The following PCBP3 variants were observed in gnomAD, a reference collection of about 807,000 sequenced individuals.
The protein encoded by PCBP3 is poly(rC)-binding protein 3.
Under a neutral mutation model 52.7 loss-of-function variants are expected in PCBP3, and 25 were observed. The observed-to-expected ratio is 0.47, with a 90% confidence interval of 0.35 to 0.66. The LOEUF (loss-of-function observed/expected upper bound fraction) is 0.66, where lower values mean the gene tolerates loss of function less well. PCBP3 is among the 30% of genes least tolerant of loss of function. The pLI is 0.01. For synonymous variants in PCBP3, 162 were observed against 183.0 expected, an observed-to-expected ratio of 0.89 and a Z score of 0.93; for missense variants, 391 against 490.3, an observed-to-expected ratio of 0.80 and a Z score of 1.91.
intron 4 of PCBP3, among the ~76,000 whole-genome samples, chr21:45,772,364 T>C (rs1453840604): frequency 6.6e-6 from 1 of 152,198 alleles, no homozygotes; most frequent in Non-Finnish European, 1.5e-5. Context: ...TGACTTTGAG[T>C]TCCATCCTTG....
chr21:45,685,957 C>T (rs201575887), intron 2 of PCBP3, among the ~76,000 whole-genome samples: 11 of 139,004 alleles, frequency 7.9e-5, no homozygotes, highest in East Asian at 2.1e-4. Context: ...CTTACTCTGT[C>T]GCTCAGGCTG....
chr21:45,903,385 A>G (rs2096116925), intron 9 of PCBP3, among the ~76,000 whole-genome samples: 1 of 152,168 alleles, frequency 6.6e-6, no homozygotes, highest in South Asian at 2.1e-4. Context: ...GGACGCTAGC[A>G]AAGTCACAGG....
chr21:45,694,620 G>T (rs2082663988), intron 2 of PCBP3, among the ~76,000 whole-genome samples: 1 of 152,152 alleles, frequency 6.6e-6, no homozygotes, highest in African/African-American at 2.4e-5. Flanking sequence ...AATCATAGTT[G>T]AAAACTTTAC....
intron 3 of PCBP3, among the ~76,000 whole-genome samples, chr21:45,754,467 G>C (rs534292096): frequency 1.3e-5 from 2 of 152,250 alleles, no homozygotes; most frequent in East Asian, 3.9e-4. Context: ...AAATCTGCTG[G>C]TGTGTCTATT....
At chr21:45,727,849 G>A (rs1217026678) in intron 2 of PCBP3, among the ~76,000 whole-genome samples, 2 of 152,174 alleles carry the variant, frequency 1.3e-5, no homozygotes, top group African/African-American at 4.8e-5. Flanking sequence ...GGATGTCAAA[G>A]CATCAGACAC....
chr21:45,716,537 A>G (rs548379509), intron 2 of PCBP3, among the ~76,000 whole-genome samples: 1 of 152,220 alleles, frequency 6.6e-6, no homozygotes, highest in South Asian at 2.1e-4. Context: ...CTGTGTCTTC[A>G]CTGTTCTTTT....
intron 5 of PCBP3, among the ~76,000 whole-genome samples, chr21:45,866,507 G>T (rs2094730073): frequency 6.6e-6 from 1 of 152,230 alleles, no homozygotes; most frequent in African/African-American, 2.4e-5. Flanking sequence ...CAAGACAGAG[G>T]CTGGGTGGGA....
intron 9 of PCBP3, among the ~76,000 whole-genome samples, chr21:45,908,680 C>T (rs992480278): frequency 5.9e-5 from 9 of 152,182 alleles, no homozygotes; most frequent in African/African-American, 1.2e-4. Flanking sequence ...CGCTCTGCAG[C>T]GAGCTCCGGG....
At chr21:45,839,307 T>C (rs73380641) in intron 4 of PCBP3, among the ~76,000 whole-genome samples, 3,583 of 152,326 alleles carry the variant, frequency 0.024, 155 homozygotes, top group African/African-American at 0.08. Context: ...ATTAGTGTAT[T>C]AACTTTATTT....
At chr21:45,876,092 C>A (rs1023266848) in intron 5 of PCBP3, among the ~76,000 whole-genome samples, 2 of 152,168 alleles carry the variant, frequency 1.3e-5, no homozygotes, top group African/African-American at 4.8e-5. Context: ...CTAGAGGGCC[C>A]GTGGAGCCTG....
intron 1 of PCBP3, among the ~76,000 whole-genome samples, chr21:45,646,083 T>TCTCTCTCTCTC (rs1206207801): frequency 1.4e-4 from 14 of 99,596 alleles, no homozygotes; most frequent in Non-Finnish European, 1.8e-4. Flanking sequence ...CTCTCTCTCT[T>TCTCTCTCTCTC]TCTCTCTCTC....
rs2085931624 is a variant in PCBP3 at position 45,737,105 on chromosome 21, CAGG to C, written c.-162+1680_-162+1682del. ...ATGGGGCAGTGAGGAGGCTGCGGGG[CAGG>C]AGGTGAGAGTGCCGCGGGTTAGGAG... On this transcript the variant is annotated intron_variant, in intron 3 of 17. Transcript: ENST00000681687. This position sits in a 1 kb window ranked among gnomAD's most constrained non-coding sequence, Gnocchi z 4.9. 2.0e-5 allele frequency among the ~76,000 whole-genome samples: 3 copies of C among 151,960 alleles called. No individual in the cohort carries two copies. Among genetic ancestry groups the C allele is most frequent in the South Asian group, 4.2e-4 (2 of 4,808 alleles).
rs1247789434 is a variant in PCBP3, at chr21:45,910,482, A to G, written c.472-420A>G. 5.9e-5 allele frequency among the ~76,000 whole-genome samples: 9 copies of G among 152,170 alleles called. No individual in the cohort carries two copies. The East Asian group carries it at 1.8e-3, about 30-fold the overall frequency. ...CACATCCACACGTTTGTCCCATTTC[A>G]AGGAAAGCCTGAATCCTTGCCCTAT... On this transcript the variant is annotated intron_variant, in intron 10 of 17. Coordinates refer to ENST00000681687, the MANE Select transcript of PCBP3 (RefSeq NM_001384156.1).
chr21:45,822,636 C>A (rs2093174689), intron 4 of PCBP3, among the ~76,000 whole-genome samples: 1 of 150,472 alleles, frequency 6.6e-6, no homozygotes, highest in African/African-American at 2.5e-5. Context: ...AGGGGCGGAC[C>A]CGGCATGGGA....
In PCBP3 at chr21:45,928,726, CCA is replaced by C. The variant is rs1385231915; in HGVS notation, c.718-1190_718-1189del. Among the ~76,000 whole-genome samples, 1 of 152,226 alleles carries C rather than the reference CCA, an allele frequency of 6.6e-6. No homozygotes were observed. Among genetic ancestry groups the C allele is most frequent in the African/African-American group, 2.4e-5 (1 of 41,460 alleles). ...TGGCCTCTGTGGCAGCTTCTGCCAC[CCA>C]TACCCTGTGCAGTGAGGAAGCTGAG... On this transcript the variant is annotated intron_variant, in intron 13 of 17. Coordinates refer to ENST00000681687, the MANE Select transcript of PCBP3 (RefSeq NM_001384156.1). The surrounding 1 kb of genome is among the most constrained non-coding windows in gnomAD (Gnocchi z 4.1).
In PCBP3 at chr21:45,758,676, C is replaced by T. The variant is rs150159489; in HGVS notation, c.-126+3224C>T. Among the ~76,000 whole-genome samples the T allele has an allele frequency of 5.3e-4, 81 of 151,954 alleles. 1 individual carries two copies. The East Asian group carries it at 0.015, about 28-fold the overall frequency. On this transcript the variant is annotated intron_variant, in intron 4 of 17. Coordinates refer to ENST00000681687, the MANE Select transcript of PCBP3 (RefSeq NM_001384156.1). ...TCTCGTATCTTGCAATCTTACTAAA[C>T]TTGTTTTGTAGCTCTAATTATTTTT... is the stretch of plus-strand genomic sequence containing the variant.
chr21:45,669,565 T>C (rs1171859729), intron 2 of PCBP3, among the ~76,000 whole-genome samples: 3 of 151,904 alleles, frequency 2.0e-5, no homozygotes, highest in African/African-American at 7.3e-5. Context: ...CTGAAACTCT[T>C]TACACATTAA....
chr21:45,693,590 A>G (rs2082607925), intron 2 of PCBP3, among the ~76,000 whole-genome samples: 1 of 152,160 alleles, frequency 6.6e-6, no homozygotes. Context: ...ATGAGAACAA[A>G]TATGATTAAT....
At chr21:45,857,570 C>G (rs564901376) in intron 5 of PCBP3, among the ~76,000 whole-genome samples, 2 of 152,212 alleles carry the variant, frequency 1.3e-5, no homozygotes, top group South Asian at 2.1e-4. Flanking sequence ...ACCTATAACC[C>G]CCCACCTTTG....
Sources: allele counts gnomAD v4.1 joint callset (sites outside exome capture counted in the v4.1 genomes callset), GRCh38; gene constraint gnomAD v4.1.1; non-coding constraint Gnocchi (gnomAD v3.1); transcripts MANE v1.5; gene names NCBI Gene and HGNC (gene_info 2026-07-23, HGNC 2026-07-21).